ZBTB16: variants seen among roughly 807,000 people sequenced by gnomAD.
The protein encoded by ZBTB16 is zinc finger and BTB domain-containing protein 16.
In ZBTB16, 8 loss-of-function variants were observed where a neutral mutation model predicts 56.8. That is an observed-to-expected ratio of 0.14 (90% CI 0.08 to 0.25). The LOEUF is 0.25. ZBTB16 is among the 10% of genes least tolerant of loss of function. The pLI, the probability that ZBTB16 is intolerant of heterozygous loss-of-function variation, is 1.00. For missense variants in ZBTB16, 625 were observed against 903.0 expected, an observed-to-expected ratio of 0.69 and a Z score of 3.95; for synonymous variants, 363 against 368.5, an observed-to-expected ratio of 0.98 and a Z score of 0.17.
intron 4 of ZBTB16, among the ~76,000 whole-genome samples, chr11:114,237,724 C>G (rs993147732): frequency 1.3e-5 from 2 of 152,226 alleles, no homozygotes; most frequent in Non-Finnish European, 2.9e-5. Flanking sequence ...TAGGCTGAAA[C>G]GCCAGCAAAT....
rs1939009387 is a variant in ZBTB16, at chr11:114,064,078, G to A, written c.778G>A (p.Ala260Thr). ...EVPSQDSPGAAESSISGGMGD... is the reference protein window; with the variant it reads ...EVPSQDSPGATESSISGGMGD... ...GCCCAGCCAGGACAGCCCTGGGGCA[G>A]CCGAGTCCAGCATCTCAGGAGGGAT... is the stretch of plus-strand genomic sequence containing the variant. Residue 260 changes from alanine to threonine, a missense_variant, in exon 2 of 7, where the codon GCC becomes ACC. Physicochemically the swap from Ala to Thr is moderately conservative, Grantham distance 58. Coordinates refer to ENST00000335953, the MANE Select transcript of ZBTB16 (RefSeq NM_006006.6). This position sits in a 1 kb window ranked among gnomAD's most constrained non-coding sequence, Gnocchi z 4.2. 6.2e-7 allele frequency: 1 copy of A among 1,613,806 alleles called. No homozygotes were observed.
intron 5 of ZBTB16, among the ~76,000 whole-genome samples, chr11:114,245,186 A>C (rs1300213086): frequency 6.6e-6 from 1 of 152,210 alleles, no homozygotes; most frequent in Non-Finnish European, 1.5e-5. Context: ...GCTGGGGGCC[A>C]GGCAGTCCGC....
At chr11:114,179,985 G>A (rs564288729) in intron 3 of ZBTB16, among the ~76,000 whole-genome samples, 13 of 152,278 alleles carry the variant, frequency 8.5e-5, no homozygotes, top group African/African-American at 3.1e-4. Flanking sequence ...GTTTTTGAAA[G>A]TGCCCTGCTG....
At chr11:114,073,773 A>G (rs1472715371) in intron 2 of ZBTB16, among the ~76,000 whole-genome samples, 12 of 152,158 alleles carry the variant, frequency 7.9e-5, no homozygotes, top group East Asian at 1.9e-4. Context: ...TGAAGGGGGG[A>G]CATTCTGGGC....
At chr11:114,165,112 G>C (rs555443056) in intron 3 of ZBTB16, among the ~76,000 whole-genome samples, 2 of 151,928 alleles carry the variant, frequency 1.3e-5, no homozygotes, top group South Asian at 4.2e-4. Context: ...CCACCTCAAA[G>C]TTTTTTTTAG....
At chr11:114,119,480 T>C (rs909245191) in intron 2 of ZBTB16, among the ~76,000 whole-genome samples, 1 of 151,938 alleles carries the variant, frequency 6.6e-6, no homozygotes, top group Non-Finnish European at 1.5e-5. Flanking sequence ...TCTAATGCAG[T>C]GTCGACTGCT....
chr11:114,069,135 G>T (rs886676020), intron 2 of ZBTB16, among the ~76,000 whole-genome samples: 47 of 152,162 alleles, frequency 3.1e-4, no homozygotes, highest in Admixed American at 2.6e-4. Context: ...TCCCAGGCTG[G>T]AGTGCAGTGG....
At chr11:114,159,109 A>G (rs114084317) in intron 3 of ZBTB16, among the ~76,000 whole-genome samples, 3 of 152,260 alleles carry the variant, frequency 2.0e-5, no homozygotes, top group African/African-American at 7.2e-5. Context: ...GGTTGCTTGC[A>G]TACTCATGTC....
chr11:114,223,209 G>T (rs922071940), intron 4 of ZBTB16, among the ~76,000 whole-genome samples: 1 of 152,182 alleles, frequency 6.6e-6, no homozygotes, highest in Admixed American at 6.5e-5. Context: ...GGGTAGCACT[G>T]CACTGAGTAC....
intron 2 of ZBTB16, among the ~76,000 whole-genome samples, chr11:114,141,203 C>G (rs1164743541): frequency 6.6e-6 from 1 of 152,166 alleles, no homozygotes; most frequent in Non-Finnish European, 1.5e-5. Flanking sequence ...ACACGGTGCT[C>G]CCCGTCTCAT....
chr11:114,193,676 C>T (rs1233663640), intron 4 of ZBTB16, among the ~76,000 whole-genome samples: 10 of 151,988 alleles, frequency 6.6e-5, no homozygotes, highest in South Asian at 2.1e-4. Flanking sequence ...TGACAGGGAG[C>T]GCTGAAAATG....
intron 4 of ZBTB16, among the ~76,000 whole-genome samples, chr11:114,221,131 C>A (rs1459904570): frequency 6.6e-6 from 1 of 152,210 alleles, no homozygotes; most frequent in East Asian, 1.9e-4. Context: ...TTCCTTTTCC[C>A]TTCAGAACCC....
chr11:114,086,820 C>G (rs534622305), intron 2 of ZBTB16, among the ~76,000 whole-genome samples: 6 of 152,308 alleles, frequency 3.9e-5, no homozygotes, highest in African/African-American at 1.4e-4. Context: ...TCTTAGTTCT[C>G]AAGAGCACTG....
At chr11:114,237,049 C>T (rs113881606) in intron 4 of ZBTB16, among the ~76,000 whole-genome samples, 1,771 of 152,322 alleles carry the variant, frequency 0.012, 34 homozygotes, top group African/African-American at 0.041. Flanking sequence ...GCTGCCATGA[C>T]TCATGATCCA....
At chr11:114,104,579 A>G (rs1429882333) in intron 2 of ZBTB16, among the ~76,000 whole-genome samples, 1 of 152,148 alleles carries the variant, frequency 6.6e-6, no homozygotes, top group Non-Finnish European at 1.5e-5. Context: ...TGCGTTTTCC[A>G]GAATCTCTCT....
At chr11:114,202,082 G>T (rs988767939) in intron 4 of ZBTB16, among the ~76,000 whole-genome samples, 1 of 152,224 alleles carries the variant, frequency 6.6e-6, no homozygotes, top group Non-Finnish European at 1.5e-5. Context: ...GATGGAGAAT[G>T]CAGCACAGGG....
At position 114,064,904 on chromosome 11, in the gene ZBTB16, A is replaced by G. The variant is rs1939056135; in HGVS notation, c.1268+336A>G. Among the ~76,000 whole-genome samples the G allele has an allele frequency of 6.6e-6, 1 of 151,918 alleles. No individual in the cohort carries two copies. The highest frequency in any genetic ancestry group is 1.5e-5 in the Non-Finnish European group (1 of 68,002). The stretch of plus-strand genomic sequence containing the variant: ...GCTTGGAGTGACTGATAAAATGGAG[A>G]GAAGGAGAAAAGGAGTGGGATGAGG... On this transcript the variant is annotated intron_variant, in intron 2 of 6. Transcript: ENST00000335953. This position sits in a 1 kb window ranked among gnomAD's most constrained non-coding sequence, Gnocchi z 4.2.
intron 3 of ZBTB16, 121 bp downstream of exon 3, chr11:114,156,555 A>G (rs17116545): frequency 0.051 from 47,890 of 934,588 alleles, 3,308 homozygotes; most frequent in African/African-American, 0.27. Flanking sequence ...GCCCTGGTCC[A>G]TCTTGTTCCC....
intron 3 of ZBTB16, among the ~76,000 whole-genome samples, chr11:114,160,027 A>G (rs993302101): frequency 2.0e-5 from 3 of 150,610 alleles, no homozygotes; most frequent in African/African-American, 4.9e-5. Flanking sequence ...GCCCCCCTAA[A>G]TGTTGCTGCC....
Sources: gnomAD v4.1 joint callset for allele counts (sites outside exome capture counted in the v4.1 genomes callset) on GRCh38, gnomAD v4.1.1 for gene constraint, Gnocchi (gnomAD v3.1) non-coding constraint, MANE v1.5 for transcripts, NCBI Gene and HGNC (gene_info 2026-07-23, HGNC 2026-07-21) for gene names.